Variants in RASA3 observed in about 807,000 individuals in gnomAD.
RASA3 encodes ras GTPase-activating protein 3.
RASA3 carries 73 observed loss-of-function variants against 110.0 expected under a neutral mutation model. That is an observed-to-expected ratio of 0.66 (90% CI 0.55 to 0.81). RASA3 has a LOEUF of 0.81. Ranked by LOEUF, RASA3 falls within the 30% of genes least tolerant of loss-of-function variation. RASA3 has a pLI of 0.00. For synonymous variants in RASA3, 500 were observed against 451.4 expected (o/e 1.11, Z -1.37); for missense variants, 976 against 1,113.2 (o/e 0.88, Z 1.75).
chr13:114,113,038 G>A (rs2139767625), intron 1 of RASA3, among the ~76,000 whole-genome samples: 1 of 152,312 alleles, frequency 6.6e-6, no homozygotes, highest in African/African-American at 2.4e-5. Context: ...GCCCTGCCAT[G>A]CACGGGAAGC....
chr13:114,052,518 G>A (rs1355269324), intron 2 of RASA3, among the ~76,000 whole-genome samples: 3 of 152,222 alleles, frequency 2.0e-5, no homozygotes, highest in Non-Finnish European at 4.4e-5. Flanking sequence ...TTTGGGGCAG[G>A]CAGTGGCTCC....
chr13:114,058,345 C>T (rs548619159), intron 2 of RASA3, among the ~76,000 whole-genome samples: 1 of 152,324 alleles, frequency 6.6e-6, no homozygotes, highest in African/African-American at 2.4e-5. Flanking sequence ...GCGTGAGGCT[C>T]ACCACTCACG....
chr13:114,045,951 A>G (rs951826069), intron 3 of RASA3, among the ~76,000 whole-genome samples: 3 of 152,238 alleles, frequency 2.0e-5, no homozygotes, highest in Admixed American at 6.5e-5. Flanking sequence ...GTGTAAAGAT[A>G]TACCATGTCC....
intron 2 of RASA3, among the ~76,000 whole-genome samples, chr13:114,071,363 A>G (rs1472952622): frequency 6.6e-6 from 1 of 152,196 alleles, no homozygotes; most frequent in Non-Finnish European, 1.5e-5. Flanking sequence ...CACCTGAAAG[A>G]GAGGTTCCCA....
At chr13:114,079,406 T>C (rs796103300) in intron 1 of RASA3, among the ~76,000 whole-genome samples, 19 of 152,134 alleles carry the variant, frequency 1.2e-4, no homozygotes, top group African/African-American at 4.3e-4. Context: ...TTGGAGGAAG[T>C]GCGGCTCTCA....
At chr13:114,080,131 C>T (rs535385188) in intron 1 of RASA3, among the ~76,000 whole-genome samples, 7 of 152,300 alleles carry the variant, frequency 4.6e-5, no homozygotes, top group South Asian at 4.2e-4. Flanking sequence ...GGGCAGAGGC[C>T]GCTGGGCTTG....
chr13:114,120,813 G>T (rs2080366580), intron 1 of RASA3, among the ~76,000 whole-genome samples: 1 of 152,258 alleles, frequency 6.6e-6, no homozygotes, highest in Non-Finnish European at 1.5e-5. Context: ...CGGGTGAGGA[G>T]GAACACCAGC....
chr13:114,117,765 TGAGAGCACGTGTGTGAG>T (rs1486987125), intron 1 of RASA3, among the ~76,000 whole-genome samples: 6 of 85,392 alleles, frequency 7.0e-5, no homozygotes, highest in East Asian at 6.9e-4. Flanking sequence ...TGCACGTGTG[TGAGAGCACGTGTGTGAG>T]GAGAGCACGT....
At chr13:114,030,472 G>GGAGGCAAGACTCACACAGAGAGCAAGA (rs1566501780) in intron 4 of RASA3, among the ~76,000 whole-genome samples, 2 of 82,440 alleles carry the variant, frequency 2.4e-5, no homozygotes, top group African/African-American at 7.9e-5. Flanking sequence ...AGAGGGCAAG[G>GGAGGCAAGACTCACACAGAGAGCAAGA]CTCACACAGA....
At chr13:114,000,725 T>C (rs2053374611) in intron 19 of RASA3, 101 bp downstream of exon 19, 1 of 918,210 alleles carries the variant, frequency 1.1e-6, no homozygotes. Context: ...CCCGCAGCAC[T>C]GAATCCTTCC....
intron 4 of RASA3, among the ~76,000 whole-genome samples, chr13:114,030,381 GACTCACACAGGA>G (rs2054127821): frequency 8.5e-6 from 1 of 118,222 alleles, no homozygotes. Context: ...CAGAGGGCAA[GACTCACACAGGA>G]GGCAAGACTC....
intron 17 of RASA3, 152 bp from the exon 18 acceptor site, chr13:114,007,758 G>A (rs1594310121): frequency 1.5e-6 from 1 of 687,628 alleles, no homozygotes; most frequent in East Asian, 2.7e-5. Context: ...GAGGGCTGTG[G>A]GGCCTCTGCT....
chr13:114,015,258 CAT>C lies in RASA3; in HGVS notation c.1354_1355del (p.Met452ValfsTer2), dbSNP rs1279166659. The C allele has an allele frequency of 1.2e-6, 2 of 1,613,230 alleles. No homozygotes were observed. The highest frequency in any genetic ancestry group is 1.7e-6 in the Non-Finnish European group (2 of 1,179,994). On this transcript the variant is annotated frameshift_variant, in exon 14 of 24. Transcript: ENST00000334062. LOFTEE classifies it high-confidence loss of function. ...TESGVSCPTV[M>X]CDIFFSLREA... ...CCCGGAGGGAGAAGAAGATGTCACA[CAT>C]GACGGTCGGGCAGCTCACCCCAGAC... is the stretch of plus-strand genomic sequence containing the variant.
At chr13:113,992,410 C>G in intron 22 of RASA3, 75 bp downstream of exon 22, 1 of 1,206,274 alleles carries the variant, frequency 8.3e-7, no homozygotes, top group Non-Finnish European at 1.2e-6. Flanking sequence ...GTTTTCACCC[C>G]ACAGCATGCT....
At position 113,978,947 on chromosome 13, in the gene RASA3, C is replaced by T. The variant is rs772905634; in HGVS notation, c.*400G>A. 2.0e-5 allele frequency: 5 copies of T among 250,906 alleles called. No individual in the cohort carries two copies. The highest frequency in any genetic ancestry group is 1.0e-4 in the Admixed American group (2 of 20,012). The allele number at this position is 250,906 out of a possible 1,614,324, so 15.5% of individuals were successfully genotyped here. On this transcript the variant is annotated 3_prime_UTR_variant, in exon 24 of 24. Transcript: ENST00000334062. The stretch of plus-strand genomic sequence containing the variant: ...AGCCCAGCGTCACACGCACCGTGCA[C>T]GCAAGACAGACGTGCACGAGACTGA...
At position 114,101,328 on chromosome 13, in the gene RASA3, C is replaced by T. The variant is rs143573594; in HGVS notation, c.56-27491G>A. ...TCTGCCCAGCGAGGTCTACCCCCAACCAGGACGGGTAGGCAGTGGCCCCAG... is the reference window on the plus strand; with the variant it reads ...TCTGCCCAGCGAGGTCTACCCCCAATCAGGACGGGTAGGCAGTGGCCCCAG... On this transcript the variant is annotated intron_variant, in intron 1 of 23. Coordinates refer to ENST00000334062, the MANE Select transcript of RASA3 (RefSeq NM_007368.4). 9.1e-4 allele frequency among the ~76,000 whole-genome samples: 139 copies of T among 152,340 alleles called. 1 individual carries two copies. In the East Asian group the frequency reaches 0.023, roughly 25 times the overall value.
Position 114,009,471 on chromosome 13 carries a change from T to C in RASA3, c.1591-7A>G, listed in dbSNP as rs1409229145. On this transcript the variant is annotated splice_polypyrimidine_tract_variant and splice_region_variant and intron_variant, in intron 16 of 23. Coordinates refer to ENST00000334062, the MANE Select transcript of RASA3 (RefSeq NM_007368.4). ...AGGACTCCTTAAAACTCGCCTAAAA[T>C]GAAACGGAGATCACTCGAGGACAGC... 1.3e-6 allele frequency: 2 copies of C among 1,597,650 alleles called. No individual in the cohort carries two copies. Among genetic ancestry groups the C allele is most frequent in the South Asian group, 1.1e-5 (1 of 90,718 alleles).
chr13:114,019,572 G>A (rs968508648), intron 9 of RASA3, among the ~76,000 whole-genome samples: 2 of 143,402 alleles, frequency 1.4e-5, no homozygotes, highest in African/African-American at 5.2e-5. Flanking sequence ...GAGCCTGTCT[G>A]CAGCATTAGC....
intron 3 of RASA3, among the ~76,000 whole-genome samples, chr13:114,045,328 C>T (rs145247776): frequency 6.6e-6 from 1 of 152,360 alleles, no homozygotes; most frequent in African/African-American, 2.4e-5. Flanking sequence ...CGGCTGCCTT[C>T]TCACCACGAG....
Sources: allele counts gnomAD v4.1 joint callset (sites outside exome capture counted in the v4.1 genomes callset), GRCh38; gene constraint gnomAD v4.1.1; transcripts MANE v1.5; gene names NCBI Gene and HGNC (gene_info 2026-07-23, HGNC 2026-07-21).